Variants in PRKD3 observed in about 807,000 individuals in gnomAD.
PRKD3 encodes serine/threonine-protein kinase D3.
PRKD3 carries 47 observed loss-of-function variants against 99.2 expected under a neutral mutation model. The ratio of observed to expected loss-of-function variants is 0.47; its 90% CI spans 0.38 to 0.60. The LOEUF is 0.60. Among genes scored for constraint, PRKD3 ranks in the 20% least tolerant of loss-of-function variants. The pLI, the probability that PRKD3 is intolerant of heterozygous loss-of-function variation, is 0.00. For synonymous variants in PRKD3, 392 were observed against 355.4 expected (o/e 1.10, Z -1.16); for missense variants, 1,019 against 1,088.4 (o/e 0.94, Z 0.90).
intron 12 of PRKD3, among the ~76,000 whole-genome samples, chr2:37,270,166 G>T (rs1171893771): frequency 6.6e-6 from 1 of 152,012 alleles, no homozygotes; most frequent in Non-Finnish European, 1.5e-5. Context: ...GGCAGAGGTT[G>T]TGGTGAGCCA....
rs183788144 is a variant in PRKD3, at chr2:37,276,194, T to C, written c.1297-350A>G. ...TACCTATAGGCTATATTTCTAGAAG[T>C]TGATTTGCTGGGTCAACAGACATGT... On this transcript the variant is annotated intron_variant, in intron 9 of 18. Coordinates refer to ENST00000234179, the MANE Select transcript of PRKD3 (RefSeq NM_005813.6). Among the ~76,000 whole-genome samples, 7 of 152,120 alleles carry C rather than the reference T, an allele frequency of 4.6e-5. No homozygotes were observed. In the East Asian group the frequency reaches 9.7e-4, roughly 21 times the overall value.
At chr2:37,312,766 G>A (rs182690673) in intron 2 of PRKD3, among the ~76,000 whole-genome samples, 27 of 152,272 alleles carry the variant, frequency 1.8e-4, no homozygotes, top group Admixed American at 2.6e-4. Flanking sequence ...TAAATAAAGT[G>A]TCTTCAAACA....
chr2:37,256,399 T>G (rs1196013987), intron 17 of PRKD3, among the ~76,000 whole-genome samples: 2 of 152,162 alleles, frequency 1.3e-5, no homozygotes, highest in Admixed American at 6.5e-5. Flanking sequence ...GTAAGACAGT[T>G]AAAAAGATAT....
intron 10 of PRKD3, 105 bp downstream of exon 10, chr2:37,275,662 A>C: frequency 8.1e-7 from 1 of 1,231,542 alleles, no homozygotes; most frequent in Non-Finnish European, 1.1e-6. Flanking sequence ...TATAAACCAT[A>C]CTAGCTAGAG....
At chr2:37,310,389 TGA>T (rs1671374958) in intron 2 of PRKD3, among the ~76,000 whole-genome samples, 1 of 152,190 alleles carries the variant, frequency 6.6e-6, no homozygotes, top group Non-Finnish European at 1.5e-5. Context: ...CACACAATGA[TGA>T]GAGATGAGTG....
chr2:37,297,350 G>C (rs1325876110), intron 2 of PRKD3, among the ~76,000 whole-genome samples: 1 of 152,028 alleles, frequency 6.6e-6, no homozygotes, highest in Non-Finnish European at 1.5e-5. Context: ...TTTAAAAATA[G>C]TTTAAAATTT....
In PRKD3 at chr2:37,286,307, C is replaced by T; in HGVS notation, c.780G>A (p.Met260Ile). 1 of 1,614,048 alleles carries T rather than the reference C, an allele frequency of 6.2e-7. No homozygotes were observed. Among genetic ancestry groups the T allele is most frequent in the South Asian group, 1.1e-5 (1 of 91,078 alleles). Residue 260 changes from methionine to isoleucine, a missense_variant, in exon 6 of 19, where the codon ATG (methionine) becomes ATA (isoleucine). Physicochemically the swap from Met to Ile is conservative, Grantham distance 10. Coordinates refer to ENST00000234179, the MANE Select transcript of PRKD3 (RefSeq NM_005813.6). ...IPSWSGRPIW[M>I]EKMVMCRVKV... ...TCACTCTGCACATTACCATCTTTTC[C>T]ATCCAGATTGGGCGACCACTCCAAG...
chr2:37,275,453 C>A (rs781059247), intron 10 of PRKD3, among the ~76,000 whole-genome samples: 21 of 152,130 alleles, frequency 1.4e-4, no homozygotes, highest in Non-Finnish European at 2.8e-4. Flanking sequence ...CTCTTCTGGA[C>A]AGTCAATGAT....
At chr2:37,306,821 C>G (rs904849568) in intron 2 of PRKD3, among the ~76,000 whole-genome samples, 1 of 152,046 alleles carries the variant, frequency 6.6e-6, no homozygotes, top group Non-Finnish European at 1.5e-5. Flanking sequence ...AAAACAAAAA[C>G]AAAAATGCCC....
chr2:37,312,970 T>A (rs1322909914), intron 2 of PRKD3, among the ~76,000 whole-genome samples: 3 of 152,114 alleles, frequency 2.0e-5, no homozygotes, highest in Non-Finnish European at 2.9e-5. Flanking sequence ...ATTGACTGCA[T>A]GTAGAAATAA....
chr2:37,300,894 A>G (rs1355100256), intron 2 of PRKD3, among the ~76,000 whole-genome samples: 2 of 152,218 alleles, frequency 1.3e-5, no homozygotes, highest in Non-Finnish European at 2.9e-5. Context: ...ATGGCGGTCA[A>G]ACCAATTTAT....
rs147829006 is a variant in PRKD3 at position 37,316,356 on chromosome 2, C to T, written c.169G>A (p.Val57Met). The T allele has an allele frequency of 3.7e-6, 6 of 1,614,076 alleles. No individual in the cohort carries two copies. The highest frequency in any genetic ancestry group is 4.5e-5 in the East Asian group (2 of 44,898). ...APSLTNSRGS[V>M]HTVSFLLQIG... ...TGCAGTAGAAATGAAACTGTATGCACTGAGCCTCTGGAGTTGGTGAGTGAT... is the reference window on the plus strand; with the variant it reads ...TGCAGTAGAAATGAAACTGTATGCATTGAGCCTCTGGAGTTGGTGAGTGAT... Residue 57 changes from valine (V) to methionine (M), a missense_variant, in exon 2 of 19, where the codon GTG becomes ATG. Coordinates refer to ENST00000234179, the MANE Select transcript of PRKD3 (RefSeq NM_005813.6).
At chr2:37,276,776 GTGTATATA>G (rs1208427546) in intron 9 of PRKD3, among the ~76,000 whole-genome samples, 1 of 150,076 alleles carries the variant, frequency 6.7e-6, no homozygotes. Flanking sequence ...TATGAGGTGT[GTGTATATA>G]TGTATATATA....
chr2:37,313,167 T>C (rs924567124), intron 2 of PRKD3, among the ~76,000 whole-genome samples: 5 of 152,146 alleles, frequency 3.3e-5, no homozygotes, highest in African/African-American at 9.7e-5. Context: ...GTGGGCCATA[T>C]GGTCTCTGTC....
At chr2:37,258,280 A>G (rs1168852901) in intron 16 of PRKD3, among the ~76,000 whole-genome samples, 1 of 152,228 alleles carries the variant, frequency 6.6e-6, no homozygotes, top group East Asian at 1.9e-4. Flanking sequence ...TATTTGCTCA[A>G]AATCATTACT....
rs1423187224 is a variant in PRKD3, at chr2:37,287,239, A to G, written c.718-870T>C. 8.1e-5 allele frequency among the ~76,000 whole-genome samples: 3 copies of G among 37,038 alleles called. No homozygotes were observed. The South Asian group carries it at 2.7e-3, about 33-fold the overall frequency. 24.3% of individuals were successfully genotyped at this position (37,038 alleles called of 152,430 possible). A position where few individuals can be genotyped will look rare whatever the true frequency, so the allele number is the denominator to read the frequency against. On this transcript the variant is annotated intron_variant, in intron 5 of 18. Transcript: ENST00000234179. ...GAGCGAAACTCCATCTCAAAAAAAAAAAAAAAAAAAAAAAAAAAAAAAAAA... is the reference window on the plus strand; with the variant it reads ...GAGCGAAACTCCATCTCAAAAAAAAGAAAAAAAAAAAAAAAAAAAAAAAAA...
chr2:37,286,326 C>T lies in PRKD3; in HGVS notation c.761G>A (p.Ser254Asn). The T allele has an allele frequency of 1.2e-6, 2 of 1,614,128 alleles. No individual in the cohort carries two copies. Among genetic ancestry groups the T allele is most frequent in the African/African-American group, 1.3e-5 (1 of 75,038 alleles). Residue 254 changes from serine (S) to asparagine (N), a missense_variant, in exon 6 of 19, where the codon AGT (serine) becomes AAT (asparagine). Transcript: ENST00000234179. Reference protein sequence around the residue: ...QEPSKRIPSWSGRPIWMEKMV... With the variant: ...QEPSKRIPSWNGRPIWMEKMV... ...CTTTTCCATCCAGATTGGGCGACCA[C>T]TCCAAGAAGGAATTCTCTTACTTGG...
Position 37,274,524 on chromosome 2 carries a change from T to G in PRKD3, c.1548A>C (p.Gly516=). The G allele has an allele frequency of 6.2e-7, 1 of 1,614,110 alleles. No individual in the cohort carries two copies. Among genetic ancestry groups the G allele is most frequent in the Non-Finnish European group, 8.5e-7 (1 of 1,180,004 alleles). Residue 516 remains glycine, a synonymous_variant, in exon 11 of 19, where the codon GGA becomes GGC. Transcript: ENST00000234179. ...HNPVLAATGV[G]LDVAQSWEKA... is the part of the protein sequence containing the mutation. ...TTTCCCAGCTCTGTGCTACATCAAG[T>G]CCAACTCCAGTGGCAGCAAGAACAG... is the stretch of plus-strand genomic sequence containing the variant.
rs574122387 is a variant in PRKD3 at position 37,253,015 on chromosome 2, T to C, written c.*162A>G. 14 of 601,024 alleles carry C rather than the reference T, an allele frequency of 2.3e-5. No homozygotes were observed. The highest frequency in any genetic ancestry group is 3.6e-5 in the Non-Finnish European group (14 of 391,288). 37.2% of individuals were successfully genotyped at this position (601,024 alleles called of 1,614,324 possible). Reference sequence around the variant, plus strand: ...ACTTCTTATTATTCAGTTTCCCGCCTGTACCTACTCATTATGAACTACAGT... The same window carrying C: ...ACTTCTTATTATTCAGTTTCCCGCCCGTACCTACTCATTATGAACTACAGT... On this transcript the variant is annotated 3_prime_UTR_variant, in exon 19 of 19. Coordinates refer to ENST00000234179, the MANE Select transcript of PRKD3 (RefSeq NM_005813.6).
Sources: allele counts gnomAD v4.1 joint callset (sites outside exome capture counted in the v4.1 genomes callset), GRCh38; gene constraint gnomAD v4.1.1; transcripts MANE v1.5; gene names NCBI Gene and HGNC (gene_info 2026-07-23, HGNC 2026-07-21).